Variants in SNAP91 observed in about 807,000 individuals in gnomAD.
SNAP91 encodes synaptosome associated protein 91.
A neutral mutation model predicts 100.3 loss-of-function variants in SNAP91; 27 were observed. The ratio of observed to expected loss-of-function variants is 0.27; its 90% confidence interval spans 0.20 to 0.37. The LOEUF (loss-of-function observed/expected upper bound fraction) is 0.37, where lower values mean the gene tolerates loss of function less well. SNAP91 is among the 10% of genes least tolerant of loss of function. SNAP91 has a pLI of 1.00. For missense variants in SNAP91, 986 were observed against 1,123.7 expected (o/e 0.88, Z 1.75); for synonymous variants, 404 against 398.6 (o/e 1.01, Z -0.16).
intron 26 of SNAP91, among the ~76,000 whole-genome samples, chr6:83,567,976 C>T (rs1279025734): frequency 4.0e-5 from 6 of 151,718 alleles, no homozygotes; most frequent in East Asian, 1.9e-4. Context: ...ACCATTTGAC[C>T]CAGCCATCCC....
intron 27 of SNAP91, 69 bp downstream of exon 27, chr6:83,560,795 T>C (rs1302924247): frequency 1.6e-6 from 2 of 1,278,980 alleles, no homozygotes; most frequent in East Asian, 2.4e-5. Flanking sequence ...TAGGAATACT[T>C]AGTAATTTGG....
chr6:83,572,094 G>C (rs1257674744), intron 26 of SNAP91, among the ~76,000 whole-genome samples: 1 of 152,122 alleles, frequency 6.6e-6, no homozygotes, highest in African/African-American at 2.4e-5. Flanking sequence ...CCCAGTCTCG[G>C]GTATGTCTTT....
intron 2 of SNAP91, among the ~76,000 whole-genome samples, chr6:83,683,523 C>A (rs1285343491): frequency 6.6e-6 from 1 of 152,140 alleles, no homozygotes; most frequent in Non-Finnish European, 1.5e-5. Flanking sequence ...TGTGACATGC[C>A]TGCTCCCCCT....
chr6:83,585,913 C>T (rs946677914), intron 22 of SNAP91, among the ~76,000 whole-genome samples: 12 of 150,194 alleles, frequency 8.0e-5, no homozygotes, highest in African/African-American at 2.9e-4. Context: ...TGCAATGGCG[C>T]CATCTTGGCT....
intron 20 of SNAP91, among the ~76,000 whole-genome samples, 162 bp from the exon 21 acceptor site, chr6:83,592,700 G>A (rs539927300): frequency 9.2e-5 from 14 of 152,198 alleles, no homozygotes; most frequent in South Asian, 4.2e-4. Context: ...TAAAATACAC[G>A]CTCTCCAGAA....
intron 2 of SNAP91, among the ~76,000 whole-genome samples, chr6:83,679,701 T>C (rs1180793291): frequency 6.6e-6 from 1 of 152,170 alleles, no homozygotes; most frequent in Non-Finnish European, 1.5e-5. Flanking sequence ...CACCCCCAAA[T>C]AGAACTTTAT....
Position 83,641,137 on chromosome 6 carries a change from T to C in SNAP91, c.724A>G (p.Thr242Ala), listed in dbSNP as rs866814584. 6.5e-7 allele frequency: 1 copy of C among 1,548,494 alleles called. No individual in the cohort carries two copies. The highest frequency in any genetic ancestry group is 1.2e-5 in the South Asian group (1 of 80,220). ...DALEIYKRFL[T>A]RMTRVSEFLK... ...AATTCAGACACTCGTGTCATTCTAG[T>C]TAGAAATCGTTTGTAAATTTCTAGA... The change falls in exon 8 of 30, where the codon ACT becomes GCT. Residue 242 changes from threonine (T) to alanine (A), a missense_variant. Around this residue, in one of 4 missense-constraint regions of SNAP91, gnomAD observed 330 missense variants for 447.5 expected, o/e 0.74. Coordinates refer to ENST00000369694, the MANE Select transcript of SNAP91 (RefSeq NM_001242792.2).
At chr6:83,557,305 G>A (rs549462445) in intron 28 of SNAP91, among the ~76,000 whole-genome samples, 54 of 152,162 alleles carry the variant, frequency 3.5e-4, no homozygotes, top group Non-Finnish European at 6.9e-4. Context: ...TGGATTTTGA[G>A]ATTTGGTCCT....
In SNAP91 at chr6:83,627,180, T is replaced by C. The variant is rs146413548; in HGVS notation, c.766-3838A>G. 4.9e-3 allele frequency among the ~76,000 whole-genome samples: 740 copies of C among 152,262 alleles called. 9 individuals carry two copies. Among genetic ancestry groups the C allele is most frequent in the African/African-American group, 0.017 (706 of 41,560 alleles). On this transcript the variant is annotated intron_variant, in intron 8 of 29. Coordinates refer to ENST00000369694, the MANE Select transcript of SNAP91 (RefSeq NM_001242792.2). ...TGTTTTGCATATGTTGAACCAACCT[T>C]GCATCCTAGGAATAAAGCCCACTTG...
In SNAP91 at chr6:83,707,959, T is replaced by C. The variant is rs772849861; in HGVS notation, c.-30-2A>G. On this transcript the variant is annotated splice_acceptor_variant, in intron 1 of 29. Coordinates refer to ENST00000369694, the MANE Select transcript of SNAP91 (RefSeq NM_001242792.2). LOFTEE classifies it low-confidence loss of function (5UTR_SPLICE). ...TGGTCGCGTCTACCGCCTCCTCTTCTGCAGGAAACAAGGGGAGACGGTCCG... is the reference window on the plus strand; with the variant it reads ...TGGTCGCGTCTACCGCCTCCTCTTCCGCAGGAAACAAGGGGAGACGGTCCG... 6.4e-7 allele frequency: 1 copy of C among 1,552,800 alleles called. No homozygotes were observed. Among genetic ancestry groups the C allele is most frequent in the Non-Finnish European group, 8.6e-7 (1 of 1,158,702 alleles).
At chr6:83,600,555 CT>C (rs1160951288) in intron 16 of SNAP91, among the ~76,000 whole-genome samples, 1 of 152,208 alleles carries the variant, frequency 6.6e-6, no homozygotes, top group Non-Finnish European at 1.5e-5. Context: ...TATGAATAAA[CT>C]GGCTTCACAT....
intron 17 of SNAP91, among the ~76,000 whole-genome samples, chr6:83,593,960 T>C (rs756617651): frequency 3.9e-5 from 6 of 152,176 alleles, no homozygotes; most frequent in Non-Finnish European, 5.9e-5. Context: ...GTTAGCAAAC[T>C]AAAGCATTTT....
intron 11 of SNAP91, 33 bp from the exon 12 acceptor site, chr6:83,610,710 A>AATATATAT (rs747428612): frequency 2.9e-4 from 61 of 211,522 alleles, no homozygotes; most frequent in Non-Finnish European, 3.3e-4. Flanking sequence ...ATTAAAACTG[A>AATATATAT]ATATATATAT....
chr6:83,583,225 C>T (rs1830924691), intron 22 of SNAP91, among the ~76,000 whole-genome samples: 1 of 152,118 alleles, frequency 6.6e-6, no homozygotes, highest in South Asian at 2.1e-4. Context: ...TGCCGAGTAT[C>T]CTCAGCACCT....
intron 2 of SNAP91, among the ~76,000 whole-genome samples, chr6:83,694,475 G>A (rs1464176325): frequency 6.6e-6 from 1 of 152,148 alleles, no homozygotes; most frequent in Non-Finnish European, 1.5e-5. Flanking sequence ...TCCCAACAAT[G>A]TAGTTCTGGT....
chr6:83,592,552 C>T lies in SNAP91; in HGVS notation c.1847-14G>A, dbSNP rs373298932. On this transcript the variant is annotated splice_polypyrimidine_tract_variant and intron_variant, in intron 20 of 29. Coordinates refer to ENST00000369694, the MANE Select transcript of SNAP91 (RefSeq NM_001242792.2). Reference sequence around the variant, plus strand: ...CAAATGCATCCACTGCAGTGAAGCACAGACAGGAAAAAGTGCATGTCACCC... The same window carrying T: ...CAAATGCATCCACTGCAGTGAAGCATAGACAGGAAAAAGTGCATGTCACCC... 20 of 1,596,200 alleles carry T rather than the reference C, an allele frequency of 1.3e-5. No homozygotes were observed. The highest frequency in any genetic ancestry group is 1.7e-5 in the Non-Finnish European group (20 of 1,170,526).
chr6:83,646,324 CTA>C (rs1349006379), intron 7 of SNAP91, among the ~76,000 whole-genome samples: 1 of 152,120 alleles, frequency 6.6e-6, no homozygotes, highest in Non-Finnish European at 1.5e-5. Flanking sequence ...AGGTTTTCTC[CTA>C]TGTTACCTTC....
intron 22 of SNAP91, among the ~76,000 whole-genome samples, chr6:83,584,152 C>A (rs1185164741): frequency 6.6e-6 from 1 of 152,030 alleles, no homozygotes; most frequent in Non-Finnish European, 1.5e-5. Context: ...AAAACATTAC[C>A]CCGTACCTCA....
chr6:83,632,133 C>A (rs2097231924), intron 8 of SNAP91, among the ~76,000 whole-genome samples: 1 of 151,978 alleles, frequency 6.6e-6, no homozygotes, highest in Admixed American at 6.6e-5. Flanking sequence ...ATACAAAATT[C>A]TTGGCTGATA....
Sources: allele counts gnomAD v4.1 joint callset (sites outside exome capture counted in the v4.1 genomes callset), GRCh38; gene constraint gnomAD v4.1.1; regional missense constraint gnomAD v4.1.1; transcripts MANE v1.5; gene names NCBI Gene and HGNC (gene_info 2026-07-23, HGNC 2026-07-21).